Variants in MATCAP2 observed in about 807,000 individuals in gnomAD.
MATCAP2 encodes the protein putative tyrosine carboxypeptidase MATCAP2.
chr7:36,380,545 A>G, the MATCAP2 span, among the ~76,000 whole-genome samples: 1 of 152,198 alleles, frequency 6.6e-6, no homozygotes, highest in Non-Finnish European at 1.5e-5. Flanking sequence ...GAATGGTATT[A>G]AAATAGTTTC....
the MATCAP2 span, among the ~76,000 whole-genome samples, chr7:36,347,289 G>A: frequency 6.6e-6 from 1 of 152,022 alleles, no homozygotes; most frequent in Non-Finnish European, 1.5e-5. Flanking sequence ...TTTGTTTAAT[G>A]ACAAACTTTT....
the MATCAP2 span, chr7:36,389,947 C>T: frequency 6.2e-7 from 1 of 1,613,072 alleles, no homozygotes; most frequent in African/African-American, 1.3e-5. Flanking sequence ...TTCCAGGAGA[C>T]ACACTGAGCT....
chr7:36,367,363 G>A, the MATCAP2 span: 5 of 988,936 alleles, frequency 5.1e-6, no homozygotes, highest in East Asian at 2.2e-4. Flanking sequence ...GGCGTGCACA[G>A]CGCGGGCCAG....
At chr7:36,382,491 CTTT>C in the MATCAP2 span, among the ~76,000 whole-genome samples, 1 of 149,892 alleles carries the variant, frequency 6.7e-6, no homozygotes, top group Non-Finnish European at 1.5e-5. Flanking sequence ...GTAAAAATAG[CTTT>C]TTTTTTTTTT....
At chr7:36,349,069 G>T in the MATCAP2 span, among the ~76,000 whole-genome samples, 1 of 152,258 alleles carries the variant, frequency 6.6e-6, no homozygotes, top group African/African-American at 2.4e-5. Context: ...CGATATTTAC[G>T]TGGGATGCTG....
chr7:36,353,078 A>C, the MATCAP2 span, among the ~76,000 whole-genome samples: 1 of 152,044 alleles, frequency 6.6e-6, no homozygotes, highest in Non-Finnish European at 1.5e-5. Context: ...AGACCAGCCA[A>C]GACAGCATAG....
At chr7:36,328,239 T>TGGGGGG in the MATCAP2 span, among the ~76,000 whole-genome samples, 59 of 24,812 alleles carry the variant, frequency 2.4e-3, 5 homozygotes, top group Non-Finnish European at 3.3e-3. Context: ...TTTGTTTTTG[T>TGGGGGG]AGGGGGGGGG....
the MATCAP2 span, among the ~76,000 whole-genome samples, chr7:36,340,714 C>T: frequency 1.3e-5 from 2 of 152,200 alleles, no homozygotes; most frequent in Non-Finnish European, 2.9e-5. Flanking sequence ...CCCCCATCTG[C>T]ATTATAATAT....
At chr7:36,343,703 A>G in the MATCAP2 span, among the ~76,000 whole-genome samples, 333 of 151,360 alleles carry the variant, frequency 2.2e-3, 2 homozygotes, top group African/African-American at 3.0e-3. Flanking sequence ...AGGAAGGAAG[A>G]AAGAAAAGGA....
At chr7:36,327,853 G>C in the MATCAP2 span, among the ~76,000 whole-genome samples, 1 of 152,194 alleles carries the variant, frequency 6.6e-6, no homozygotes, top group Non-Finnish European at 1.5e-5. Flanking sequence ...AAGCATTTTA[G>C]AGAAGAGATA....
the MATCAP2 span, among the ~76,000 whole-genome samples, chr7:36,373,180 G>T: frequency 6.6e-6 from 1 of 151,698 alleles, no homozygotes; most frequent in African/African-American, 2.4e-5. Context: ...ATATGACAGG[G>T]ATGCTGGGGT....
the MATCAP2 span, chr7:36,334,253 C>G: frequency 2.6e-6 from 3 of 1,153,234 alleles, no homozygotes; most frequent in Non-Finnish European, 2.5e-6. Flanking sequence ...AATCCTAAAA[C>G]CAGCCAGGCG....
chr7:36,369,958 T>C, the MATCAP2 span, among the ~76,000 whole-genome samples: 1 of 152,212 alleles, frequency 6.6e-6, no homozygotes, highest in Non-Finnish European at 1.5e-5. Flanking sequence ...CTACCAATAT[T>C]TTCTTGTGGA....
chr7:36,375,414 C>A, the MATCAP2 span, among the ~76,000 whole-genome samples: 1 of 152,090 alleles, frequency 6.6e-6, no homozygotes, highest in African/African-American at 2.4e-5. Context: ...TATGTTGAAC[C>A]AGCCTTGTAT....
At chr7:36,358,940 A>C in the MATCAP2 span, among the ~76,000 whole-genome samples, 1 of 152,222 alleles carries the variant, frequency 6.6e-6, no homozygotes, top group Admixed American at 6.5e-5. Context: ...AAGGGTTTTC[A>C]GATTCAATTC....
the MATCAP2 span, among the ~76,000 whole-genome samples, chr7:36,335,998 G>A: frequency 6.6e-6 from 1 of 152,202 alleles, no homozygotes; most frequent in African/African-American, 2.4e-5. Flanking sequence ...CTTGAACCCA[G>A]GAGGCGGAGG....
At chr7:36,331,215 A>C in the MATCAP2 span, 5 of 577,918 alleles carry the variant, frequency 8.7e-6, no homozygotes, top group Admixed American at 2.8e-5. Flanking sequence ...TTTTATTTTT[A>C]TTTAACTATC....
At chr7:36,367,339 G>A in the MATCAP2 span, 2 of 998,062 alleles carry the variant, frequency 2.0e-6, no homozygotes, top group Non-Finnish European at 2.4e-6. Flanking sequence ...AGAGTGGGAG[G>A]AACTACAACT....
chr7:36,335,275 GT>G, the MATCAP2 span: 1 of 1,133,836 alleles, frequency 8.8e-7, no homozygotes, highest in Non-Finnish European at 1.3e-6. Context: ...AATTAACACT[GT>G]TTTTTGTTTA....
Sources: gnomAD v4.1 joint callset for allele counts (sites outside exome capture counted in the v4.1 genomes callset) on GRCh38, gnomAD v4.1.1 for gene constraint, MANE v1.5 for transcripts, NCBI Gene and HGNC (gene_info 2026-07-23, HGNC 2026-07-21) for gene names.